The following TRIM31 variants were observed in gnomAD, a reference collection of about 807,000 sequenced individuals.
The protein encoded by TRIM31 is tripartite motif containing 31, also known as E3 ubiquitin-protein ligase TRIM31.
Under a neutral mutation model 40.6 loss-of-function variants are expected in TRIM31, and 31 were observed. That is an observed-to-expected ratio of 0.76 (90% CI 0.57 to 1.03). TRIM31 has a LOEUF of 1.03. TRIM31 is among the 50% of genes least tolerant of loss of function. The pLI, the probability that TRIM31 is intolerant of heterozygous loss-of-function variation, is 0.00. For missense variants in TRIM31, 455 were observed against 497.5 expected (o/e 0.91, Z 0.81); for synonymous variants, 164 against 193.9 (o/e 0.85, Z 1.28).
chr6:30,108,118 T>C lies in TRIM31; in HGVS notation c.818A>G (p.Glu273Gly). The C allele has an allele frequency of 6.2e-7, 1 of 1,612,260 alleles. No homozygotes were observed. Among genetic ancestry groups the C allele is most frequent in the Non-Finnish European group, 8.5e-7 (1 of 1,179,294 alleles). The change falls in exon 6 of 9, where the codon GAG (glutamate) becomes GGG (glycine). Residue 273 changes from glutamate (E) to glycine (G), a missense_variant. Glu to Gly is a moderately conservative substitution (Grantham distance 98). Transcript: ENST00000376734. ...TGATTTTGCTTCACTGAGTTTTTTC[T>C]CCAGTTCCAGAGGAACAGGGGTTGG... is the stretch of plus-strand genomic sequence containing the variant. ...LNPTPVPLEL[E>G]KKLSEAKSRH... is the part of the protein sequence containing the mutation.
intron 5 of TRIM31, 72 bp downstream of exon 5, chr6:30,108,954 A>G: frequency 1.3e-6 from 2 of 1,504,136 alleles, no homozygotes. Context: ...TGTTGACTGC[A>G]TTTGGATATA....
chr6:30,108,773 G>A, intron 5 of TRIM31: 2 of 594,538 alleles, frequency 3.4e-6, no homozygotes, highest in South Asian at 3.9e-5. Context: ...TGAGCAAGGG[G>A]GCATTCAGGA....
At chr6:30,105,441 C>T in intron 6 of TRIM31, 199 bp from the exon 7 acceptor site, 1 of 485,924 alleles carries the variant, frequency 2.1e-6, no homozygotes, top group Non-Finnish European at 3.6e-6. Flanking sequence ...ACTGCCTAGC[C>T]CAGCACTGTC....
At chr6:30,108,882 C>T (rs1002200034) in intron 5 of TRIM31, 144 bp downstream of exon 5, 7 of 888,270 alleles carry the variant, frequency 7.9e-6, no homozygotes, top group African/African-American at 4.9e-5. Context: ...AGGCATTCCC[C>T]GGCTGCAGCC....
intron 6 of TRIM31, among the ~76,000 whole-genome samples, chr6:30,106,866 C>G (rs913245399): frequency 1.3e-5 from 2 of 152,170 alleles, no homozygotes; most frequent in East Asian, 1.9e-4. Context: ...CTTTGGGAGG[C>G]TGAGGCGGGT....
intron 3 of TRIM31, chr6:30,111,445 C>G (rs542556680): frequency 2.2e-5 from 12 of 555,032 alleles, no homozygotes; most frequent in Non-Finnish European, 3.2e-5. Context: ...CCTTGTCTGC[C>G]GGTGGAGACT....
chr6:30,105,854 C>T (rs537156194), intron 6 of TRIM31, among the ~76,000 whole-genome samples: 7 of 152,324 alleles, frequency 4.6e-5, no homozygotes, highest in South Asian at 2.1e-4. Flanking sequence ...CTTCAGAAGG[C>T]CTACTGTAGG....
intron 7 of TRIM31, among the ~76,000 whole-genome samples, chr6:30,104,685 T>C (rs1211417850): frequency 6.6e-6 from 1 of 152,260 alleles, no homozygotes; most frequent in East Asian, 1.9e-4. Flanking sequence ...TTTGAAATAT[T>C]AGATGCGCAC....
rs549162521 is a variant in TRIM31 at position 30,105,081 on chromosome 6, C to T, written c.958+87G>A. ...GGAATCGGCATTCACTTATATCTGG[C>T]CTTCATGTAATCATAGAGACACAAT... On this transcript the variant is annotated intron_variant, in intron 7 of 8. Transcript: ENST00000376734. 1.3e-5 allele frequency: 15 copies of T among 1,175,122 alleles called. No homozygotes were observed. In the East Asian group the frequency reaches 3.3e-4, roughly 26 times the overall value. 72.8% of individuals were successfully genotyped at this position (1,175,122 alleles called of 1,614,324 possible).
intron 3 of TRIM31, among the ~76,000 whole-genome samples, chr6:30,111,028 G>GTATTTTTTTTT (rs1769253400): frequency 9.3e-6 from 1 of 107,504 alleles, no homozygotes; most frequent in Non-Finnish European, 1.9e-5. Flanking sequence ...TTTTCCTTCT[G>GTATTTTTTTTT]TCTTTTTTTT....
chr6:30,105,322 T>A, intron 6 of TRIM31, 80 bp from the exon 7 acceptor site: 1 of 1,054,206 alleles, frequency 9.5e-7, no homozygotes, highest in Non-Finnish European at 1.4e-6. Context: ...AGCAAGGCAC[T>A]AATTTGAAAT....
At chr6:30,105,349 A>G (rs1768573854) in intron 6 of TRIM31, 107 bp from the exon 7 acceptor site, 2 of 827,350 alleles carry the variant, frequency 2.4e-6, no homozygotes, top group African/African-American at 1.7e-5. Flanking sequence ...GAGAAGTAGA[A>G]GCTGCATTTG....
intron 5 of TRIM31, 85 bp downstream of exon 5, chr6:30,108,941 G>A: frequency 7.0e-7 from 1 of 1,422,638 alleles, no homozygotes; most frequent in Non-Finnish European, 9.9e-7. Context: ...TCTGAGAGAG[G>A]AATGTTGACT....
chr6:30,105,868 A>G (rs952011234), intron 6 of TRIM31, among the ~76,000 whole-genome samples: 13 of 152,320 alleles, frequency 8.5e-5, no homozygotes, highest in Admixed American at 8.5e-4. Flanking sequence ...CTGTAGGGCT[A>G]ACCACCCAGG....
chr6:30,111,369 G>T, intron 3 of TRIM31: 1 of 454,902 alleles, frequency 2.2e-6, no homozygotes, highest in Non-Finnish European at 3.9e-6. Context: ...ATCCGTTGAG[G>T]GCGCAGCTCG....
At chr6:30,107,942 AG>A (rs1164035941) in intron 6 of TRIM31, 110 bp downstream of exon 6, 3 of 661,948 alleles carry the variant, frequency 4.5e-6, no homozygotes, top group Non-Finnish European at 7.9e-6. Context: ...TGGCACTAGA[AG>A]GGCCCAGGGA....
chr6:30,103,950 G>T, intron 8 of TRIM31, 152 bp downstream of exon 8: 1 of 1,367,580 alleles, frequency 7.3e-7, no homozygotes, highest in Non-Finnish European at 1.0e-6. Flanking sequence ...CTGTTTCCTG[G>T]CAGAGGTGTA....
chr6:30,112,953 C>A, intron 1 of TRIM31, 65 bp from the exon 2 acceptor site: 18 of 630,692 alleles, frequency 2.9e-5, no homozygotes, highest in South Asian at 1.4e-4. Context: ...GTTAGAAGAG[C>A]AGAGAGAGAG....
intron 5 of TRIM31, chr6:30,108,602 G>A: frequency 4.0e-6 from 1 of 247,244 alleles, no homozygotes; most frequent in Non-Finnish European, 7.7e-6. Context: ...TGGCGGTTAA[G>A]GGATAGTGAG....
Sources: gnomAD v4.1 joint callset for allele counts (sites outside exome capture counted in the v4.1 genomes callset) on GRCh38, gnomAD v4.1.1 for gene constraint, MANE v1.5 for transcripts, NCBI Gene and HGNC (gene_info 2026-07-23, HGNC 2026-07-21) for gene names.